Variants in ALG12 observed in about 807,000 individuals in gnomAD.
ALG12 encodes the protein ALG12 alpha-1,6-mannosyltransferase, also known as dol-P-Man:Man(7)GlcNAc(2)-PP-Dol alpha-1,6-mannosyltransferase.
ALG12 carries 36 observed loss-of-function variants against 46.0 expected under a neutral mutation model. That is an observed-to-expected ratio of 0.78 (90% confidence interval 0.60 to 1.03). The LOEUF (loss-of-function observed/expected upper bound fraction) is 1.03, where lower values mean the gene tolerates loss of function less well. Ranked by LOEUF, ALG12 falls within the 50% of genes least tolerant of loss-of-function variation. The pLI, the probability that ALG12 is intolerant of heterozygous loss-of-function variation, is 0.00. For missense variants in ALG12, 599 were observed against 633.5 expected (o/e 0.95, Z 0.58); for synonymous variants, 326 against 291.6 (o/e 1.12, Z -1.20).
chr22:49,876,904 C>T, the ALG12 span, among the ~76,000 whole-genome samples: 2 of 152,230 alleles, frequency 1.3e-5, no homozygotes, highest in African/African-American at 4.8e-5. Flanking sequence ...GTGTTAACAT[C>T]GTTCCCAGTT....
chr22:49,910,045 G>T lies in ALG12; in HGVS notation c.513C>A (p.Arg171=). 6.2e-7 allele frequency: 1 copy of T among 1,613,078 alleles called. No individual in the cohort carries two copies. ...LAAWLRHEWA[R]FIWLSAFAII... The stretch of plus-strand genomic sequence containing the variant: ...TGGCGAAGGCTGACAGCCAGATGAA[G>T]CGGGCCCACTCGTGCCGCAGCCAGG... The change falls in exon 5 of 10, where the codon CGC becomes CGA. Residue 171 remains arginine (R), a synonymous_variant. Transcript: ENST00000330817.
At chr22:49,878,868 G>T in the ALG12 span, among the ~76,000 whole-genome samples, 1,227 of 152,108 alleles carry the variant, frequency 8.1e-3, 19 homozygotes, top group African/African-American at 0.029. Flanking sequence ...GAGTGGGCCA[G>T]GCGTGGTGGC....
downstream of ALG12, among the ~76,000 whole-genome samples, chr22:49,899,689 A>G (rs1169212537): frequency 6.6e-6 from 1 of 152,132 alleles, no homozygotes; most frequent in African/African-American, 2.4e-5. Context: ...AAACAATATG[A>G]AAGTACAAAC....
At chr22:49,864,936 AGC>A in the ALG12 span, among the ~76,000 whole-genome samples, 1 of 14,206 alleles carries the variant, frequency 7.0e-5, no homozygotes, top group South Asian at 4.4e-3. Context: ...TATCCCAGCA[AGC>A]CCCCCCCCCC....
chr22:49,910,168 AT>A, intron 4 of ALG12, 80 bp from the exon 5 acceptor site: 2 of 1,434,864 alleles, frequency 1.4e-6, no homozygotes, highest in Non-Finnish European at 1.9e-6. Flanking sequence ...GTGAAGGGTG[AT>A]TCCTTTTCCT....
chr22:49,884,936 C>G, the ALG12 span: 2 of 1,607,222 alleles, frequency 1.2e-6, no homozygotes, highest in East Asian at 2.2e-5. Flanking sequence ...GAGGCCTCGG[C>G]GTCCTCTCCT....
intron 1 of ALG12, among the ~76,000 whole-genome samples, chr22:49,914,434 C>A (rs550300945): frequency 2.3e-4 from 35 of 152,288 alleles, no homozygotes; most frequent in African/African-American, 8.2e-4. Flanking sequence ...CTGGGAGAAG[C>A]CATGGCCGGC....
chr22:49,894,336 C>T, the ALG12 span, among the ~76,000 whole-genome samples: 1 of 152,152 alleles, frequency 6.6e-6, no homozygotes, highest in Non-Finnish European at 1.5e-5. Flanking sequence ...CAAATGGTAG[C>T]TTTAAACCAA....
intron 3 of ALG12, among the ~76,000 whole-genome samples, chr22:49,911,420 C>T (rs980685684): frequency 1.3e-4 from 20 of 151,724 alleles, no homozygotes; most frequent in Non-Finnish European, 2.2e-4. Flanking sequence ...TTGCTGGATT[C>T]GGACTGCAAA....
At chr22:49,884,415 G>C in the ALG12 span, 2 of 1,613,798 alleles carry the variant, frequency 1.2e-6, no homozygotes, top group Non-Finnish European at 1.7e-6. Flanking sequence ...AAGAAGCCCT[G>C]GTGGGGTCGT....
the ALG12 span, among the ~76,000 whole-genome samples, chr22:49,864,500 A>G: frequency 1.3e-5 from 2 of 152,146 alleles, no homozygotes; most frequent in African/African-American, 4.8e-5. Flanking sequence ...CGATAAACCC[A>G]TCAAAGTCGA....
At chr22:49,872,759 C>T in the ALG12 span, among the ~76,000 whole-genome samples, 1 of 150,958 alleles carries the variant, frequency 6.6e-6, no homozygotes, top group Non-Finnish European at 1.5e-5. Context: ...GGCTGGAGTG[C>T]AGTGACGTGA....
At position 49,908,554 on chromosome 22, in the gene ALG12, A is replaced by C. The variant is rs546736246; in HGVS notation, c.769-610T>G. 3.5e-4 allele frequency among the ~76,000 whole-genome samples: 51 copies of C among 144,700 alleles called. 5 individuals are homozygous for C. The highest frequency in any genetic ancestry group is 7.0e-3 in the Middle Eastern group (2 of 286). 94.9% of individuals were successfully genotyped at this position (144,700 alleles called of 152,430 possible). A position where few individuals can be genotyped will look rare whatever the true frequency, so the allele number is the denominator to read the frequency against. On this transcript the variant is annotated intron_variant, in intron 6 of 9. Transcript: ENST00000330817. ...AAAAAAAAAAAAAAAAAACCAAAAA[A>C]CAAAAAACAGACGGTCACGGGTGAC...
the ALG12 span, among the ~76,000 whole-genome samples, chr22:49,871,137 C>T: frequency 1.9e-3 from 20 of 10,522 alleles, no homozygotes; most frequent in Non-Finnish European, 2.3e-3. Flanking sequence ...GATGGGGTTT[C>T]ACCCTGTTGG....
downstream of ALG12, among the ~76,000 whole-genome samples, chr22:49,897,531 T>C (rs955506087): frequency 2.6e-5 from 4 of 152,196 alleles, no homozygotes; most frequent in African/African-American, 9.6e-5. Flanking sequence ...AAGTGCGTAG[T>C]GGTGTCTCAT....
chr22:49,910,061 C>G lies in ALG12; in HGVS notation c.497G>C (p.Arg166Pro). ...VVLLALAAWL[R>P]HEWARFIWLS... ...CCAGATGAAGCGGGCCCACTCGTGC[C>G]GCAGCCAGGCCGCGAGGGCCAGCAG... Residue 166 changes from arginine (R) to proline (P), a missense_variant, in exon 5 of 10, where the codon CGG becomes CCG. Coordinates refer to ENST00000330817, the MANE Select transcript of ALG12 (RefSeq NM_024105.4). The G allele has an allele frequency of 6.2e-7, 1 of 1,611,816 alleles. No homozygotes were observed.
At chr22:49,874,320 G>C in the ALG12 span, among the ~76,000 whole-genome samples, 1 of 152,220 alleles carries the variant, frequency 6.6e-6, no homozygotes, top group East Asian at 1.9e-4. Flanking sequence ...AGAAGTGTTG[G>C]CAAATGTTTT....
At chr22:49,894,166 A>G in the ALG12 span, among the ~76,000 whole-genome samples, 1 of 152,162 alleles carries the variant, frequency 6.6e-6, no homozygotes, top group Non-Finnish European at 1.5e-5. Context: ...CTTCATCTCA[A>G]AAAAAATAAT....
chr22:49,869,621 A>G, the ALG12 span, among the ~76,000 whole-genome samples: 1 of 152,218 alleles, frequency 6.6e-6, no homozygotes, highest in African/African-American at 2.4e-5. Context: ...TCTCTTAAAA[A>G]GTCAGCAGTG....
Sources: allele counts gnomAD v4.1 joint callset (sites outside exome capture counted in the v4.1 genomes callset), GRCh38; gene constraint gnomAD v4.1.1; transcripts MANE v1.5; gene names NCBI Gene and HGNC (gene_info 2026-07-23, HGNC 2026-07-21).